TAOK3: variants seen among roughly 807,000 people sequenced by gnomAD.
The protein encoded by TAOK3 is TAO kinase 3.
TAOK3 carries 40 observed loss-of-function variants against 120.4 expected under a neutral mutation model. The observed-to-expected ratio is 0.33, with a 90% CI of 0.26 to 0.43. The LOEUF is 0.43. TAOK3 is among the 20% of genes least tolerant of loss of function. The pLI, the probability that TAOK3 is intolerant of heterozygous loss-of-function variation, is 1.00. For missense variants in TAOK3, 821 were observed against 1,112.1 expected (o/e 0.74, Z 3.72); for synonymous variants, 355 against 387.5 (o/e 0.92, Z 0.99).
chr12:118,257,734 C>A (rs1290202292), intron 2 of TAOK3, among the ~76,000 whole-genome samples: 1 of 152,070 alleles, frequency 6.6e-6, no homozygotes, highest in African/African-American at 2.4e-5. Context: ...TGAGACATAG[C>A]CATAGGTGAC....
At chr12:118,265,394 GAAAAAAAAAAAA>G (rs35810306) in intron 2 of TAOK3, among the ~76,000 whole-genome samples, 1 of 68,600 alleles carries the variant, frequency 1.5e-5, no homozygotes. Context: ...GTCTCAGGAA[GAAAAAAAAAAAA>G]AAAAAAAAGC....
intron 9 of TAOK3, among the ~76,000 whole-genome samples, chr12:118,233,278 G>C (rs1367706761): frequency 6.7e-6 from 1 of 150,050 alleles, no homozygotes; most frequent in Non-Finnish European, 1.5e-5. Flanking sequence ...GGGAGGGATA[G>C]CATTAGGAGA....
intron 9 of TAOK3, among the ~76,000 whole-genome samples, chr12:118,217,816 C>CATACATATAT (rs2038997947): frequency 2.2e-5 from 1 of 45,972 alleles, no homozygotes; most frequent in Non-Finnish European, 3.9e-5. Flanking sequence ...TGTGTGTATA[C>CATACATATAT]ATATATATAT....
chr12:118,220,141 C>T (rs1593201595), intron 9 of TAOK3, among the ~76,000 whole-genome samples: 1 of 151,992 alleles, frequency 6.6e-6, no homozygotes, highest in Admixed American at 6.6e-5. Flanking sequence ...CTCCCAGGCT[C>T]AGGCGATCCT....
chr12:118,353,449 C>T (rs1056671234), intron 1 of TAOK3, among the ~76,000 whole-genome samples: 10 of 152,036 alleles, frequency 6.6e-5, no homozygotes, highest in African/African-American at 1.9e-4. Flanking sequence ...GGAAATGAAG[C>T]TGGATAAATA....
intron 17 of TAOK3, among the ~76,000 whole-genome samples, chr12:118,170,458 C>G (rs923079326): frequency 6.6e-6 from 1 of 152,050 alleles, no homozygotes; most frequent in Non-Finnish European, 1.5e-5. Context: ...CATATCACTG[C>G]CCTTCTCAAA....
chr12:118,325,631 T>C (rs1377498709), intron 1 of TAOK3, among the ~76,000 whole-genome samples: 3 of 152,184 alleles, frequency 2.0e-5, no homozygotes, highest in Non-Finnish European at 4.4e-5. Context: ...CCTTGTCAGA[T>C]AGGTAGTTTG....
chr12:118,270,605 T>C (rs925281066), intron 1 of TAOK3, among the ~76,000 whole-genome samples: 5 of 151,960 alleles, frequency 3.3e-5, no homozygotes, highest in Non-Finnish European at 7.4e-5. Flanking sequence ...GGTCTTTGTC[T>C]AAGTTGTGTC....
intron 1 of TAOK3, among the ~76,000 whole-genome samples, chr12:118,268,905 A>AAG (rs2041574637): frequency 2.6e-5 from 4 of 151,942 alleles, no homozygotes; most frequent in Non-Finnish European, 5.9e-5. Flanking sequence ...CTACTCGGGC[A>AAG]GCTGAGGCAG....
intron 10 of TAOK3, among the ~76,000 whole-genome samples, chr12:118,213,735 T>C (rs866500603): frequency 3.3e-5 from 5 of 152,004 alleles, no homozygotes; most frequent in Non-Finnish European, 5.9e-5. Flanking sequence ...CCTGGGACAA[T>C]AGACTTGTTA....
intron 1 of TAOK3, among the ~76,000 whole-genome samples, chr12:118,272,200 T>C (rs2041727773): frequency 6.7e-6 from 1 of 148,932 alleles, no homozygotes; most frequent in Non-Finnish European, 1.5e-5. Context: ...GGCTGAGGCA[T>C]GAGAATCACT....
At chr12:118,356,475 T>C (rs1303081630) in intron 1 of TAOK3, among the ~76,000 whole-genome samples, 2 of 151,942 alleles carry the variant, frequency 1.3e-5, no homozygotes, top group Admixed American at 1.3e-4. Flanking sequence ...AATTTTTGTA[T>C]TTTCAGTAGA....
chr12:118,192,672 C>T (rs185872584), intron 13 of TAOK3, among the ~76,000 whole-genome samples: 65 of 152,282 alleles, frequency 4.3e-4, no homozygotes, highest in African/African-American at 1.5e-3. Context: ...ATTAAAGTAT[C>T]AACTTTACTG....
intron 20 of TAOK3, 94 bp from the exon 21 acceptor site, chr12:118,151,252 A>C: frequency 7.9e-7 from 1 of 1,272,000 alleles, no homozygotes; most frequent in Non-Finnish European, 1.1e-6. Context: ...TATGACATGC[A>C]CACACACATA....
chr12:118,353,135 C>T (rs985720500), intron 1 of TAOK3, among the ~76,000 whole-genome samples: 1 of 152,064 alleles, frequency 6.6e-6, no homozygotes, highest in African/African-American at 2.4e-5. Context: ...TGTTTGTATT[C>T]AAAATGTTTA....
intron 1 of TAOK3, among the ~76,000 whole-genome samples, chr12:118,268,954 G>C (rs1165647524): frequency 6.6e-6 from 1 of 151,974 alleles, no homozygotes; most frequent in Non-Finnish European, 1.5e-5. Context: ...GATGGGGTGA[G>C]CCGAGATCAT....
At chr12:118,234,975 A>T (rs1454775597) in intron 8 of TAOK3, among the ~76,000 whole-genome samples, 1 of 152,176 alleles carries the variant, frequency 6.6e-6, no homozygotes, top group Non-Finnish European at 1.5e-5. Flanking sequence ...AAATTCAAAG[A>T]CTAGCTGATT....
chr12:118,302,680 TA>T, intron 1 of TAOK3, among the ~76,000 whole-genome samples: 1 of 152,302 alleles, frequency 6.6e-6, no homozygotes, highest in Non-Finnish European at 1.5e-5. Context: ...TAGTGCAGAA[TA>T]TTAGTCACTC....
chr12:118,278,621 T>C (rs2041985618), intron 1 of TAOK3, among the ~76,000 whole-genome samples: 2 of 152,116 alleles, frequency 1.3e-5, no homozygotes, highest in Non-Finnish European at 2.9e-5. Flanking sequence ...ACATGAGTCT[T>C]TATAGTAGAA....
Sources: gnomAD v4.1 joint callset for allele counts (sites outside exome capture counted in the v4.1 genomes callset) on GRCh38, gnomAD v4.1.1 for gene constraint, MANE v1.5 for transcripts, NCBI Gene and HGNC (gene_info 2026-07-23, HGNC 2026-07-21) for gene names.